The following SYT1 variants were observed in gnomAD, a reference collection of about 807,000 sequenced individuals.
SYT1 encodes the protein synaptotagmin-1.
In SYT1, 8 loss-of-function variants were observed where a neutral mutation model predicts 44.8. That is an observed-to-expected ratio of 0.18 (90% CI 0.10 to 0.32). The LOEUF (loss-of-function observed/expected upper bound fraction) is 0.32. SYT1 is among the 10% of genes least tolerant of loss of function. The pLI, the probability that SYT1 is intolerant of heterozygous loss-of-function variation, is 1.00. For synonymous variants in SYT1, 154 were observed against 188.8 expected (o/e 0.82, Z 1.51); for missense variants, 286 against 509.3 (o/e 0.56, Z 4.22).
intron 3 of SYT1, among the ~76,000 whole-genome samples, chr12:79,085,495 C>A (rs565238157): frequency 3.3e-5 from 5 of 151,848 alleles, no homozygotes; most frequent in Admixed American, 1.3e-4. Context: ...AGGGCAGACA[C>A]CTCCTCCAGT....
chr12:79,046,142 A>C (rs1052303903), intron 2 of SYT1, among the ~76,000 whole-genome samples: 1 of 152,228 alleles, frequency 6.6e-6, no homozygotes, highest in South Asian at 2.1e-4. Context: ...GAAACAGTTG[A>C]GTTTCAAGCA....
At chr12:79,301,239 AG>A (rs1461478943) in intron 8 of SYT1, among the ~76,000 whole-genome samples, 2 of 152,134 alleles carry the variant, frequency 1.3e-5, no homozygotes, top group Non-Finnish European at 2.9e-5. Context: ...CCACTTGTGC[AG>A]GGTGCATGGT....
intron 9 of SYT1, among the ~76,000 whole-genome samples, chr12:79,442,928 G>A (rs193003161): frequency 6.3e-4 from 96 of 152,092 alleles, no homozygotes; most frequent in African/African-American, 2.1e-3. Flanking sequence ...ATTGCTTTCT[G>A]ATATTTTTTC....
intron 2 of SYT1, among the ~76,000 whole-genome samples, chr12:79,012,543 A>G (rs1284313499): frequency 1.3e-5 from 2 of 152,184 alleles, no homozygotes; most frequent in East Asian, 3.9e-4. Flanking sequence ...TTCAATAAGT[A>G]AGGAGAGAAT....
At chr12:78,922,734 G>A (rs1413552130) in intron 1 of SYT1, among the ~76,000 whole-genome samples, 1 of 151,818 alleles carries the variant, frequency 6.6e-6, no homozygotes, top group Non-Finnish European at 1.5e-5. Flanking sequence ...TTATCTTTAA[G>A]GAAATTGTTA....
chr12:79,227,900 T>C lies in SYT1; in HGVS notation c.166+10215T>C, dbSNP rs147305961. On this transcript the variant is annotated intron_variant, in intron 4 of 10. Transcript: ENST00000261205. ...TAGAAAAACCCTCTATTCAGGTCAG[T>C]CACCCAAATTGAGAAAATTCCGGAA... Among the ~76,000 whole-genome samples, 349 of 152,284 alleles carry C rather than the reference T, an allele frequency of 2.3e-3. 1 individual carries two copies. Among genetic ancestry groups the C allele is most frequent in the African/African-American group, 8.1e-3 (338 of 41,564 alleles).
chr12:78,989,716 G>A (rs1259301283), intron 2 of SYT1, among the ~76,000 whole-genome samples: 1 of 152,120 alleles, frequency 6.6e-6, no homozygotes, highest in Non-Finnish European at 1.5e-5. Context: ...CTTTGCAAAA[G>A]GGAAGTGTAT....
At chr12:78,901,407 AAC>A (rs1367527484) in intron 1 of SYT1, among the ~76,000 whole-genome samples, 1 of 152,122 alleles carries the variant, frequency 6.6e-6, no homozygotes, top group Non-Finnish European at 1.5e-5. Flanking sequence ...ATGTCTGCCA[AAC>A]ACACACTGTA....
At chr12:79,215,918 CTTTTTTTTTTTTTTTTT>C in intron 3 of SYT1, among the ~76,000 whole-genome samples, 1 of 76,792 alleles carries the variant, frequency 1.3e-5, no homozygotes, top group Admixed American at 2.1e-4. Flanking sequence ...GCATTTCTTT[CTTTTTTTTTTTTTTTTT>C]TTTTTTTTTT....
chr12:79,200,519 A>G (rs181802660), intron 3 of SYT1, among the ~76,000 whole-genome samples: 185 of 152,236 alleles, frequency 1.2e-3, no homozygotes, highest in Non-Finnish European at 2.1e-3. Flanking sequence ...AAAGGGTATG[A>G]AAGAGTAAGA....
chr12:79,021,241 A>T (rs1476606597), intron 2 of SYT1, among the ~76,000 whole-genome samples: 1 of 151,958 alleles, frequency 6.6e-6, no homozygotes, highest in East Asian at 1.9e-4. Flanking sequence ...GCTAGGAGAC[A>T]ACTGAGTTAT....
At chr12:79,293,341 A>G (rs1385265273) in intron 6 of SYT1, among the ~76,000 whole-genome samples, 1 of 17,860 alleles carries the variant, frequency 5.6e-5, no homozygotes, top group Non-Finnish European at 9.4e-5. Context: ...AAAATAAAAT[A>G]AAATAAAATA....
rs535481648 is a variant in SYT1 at position 79,131,199 on chromosome 12, A to AG, written c.-18+83839dup. Among the ~76,000 whole-genome samples the AG allele has an allele frequency of 1.8e-3, 272 of 151,840 alleles. 3 individuals carry two copies. Among genetic ancestry groups the AG allele is most frequent in the African/African-American group, 6.3e-3 (262 of 41,400 alleles). On this transcript the variant is annotated intron_variant, in intron 3 of 10. Transcript: ENST00000261205. ...TGCAGAATGTGCAGGTTTGTTACAT[A>AG]GGTATACATGTGCCATGGTGGTTTG...
At chr12:79,232,932 G>A (rs1403698463) in intron 4 of SYT1, among the ~76,000 whole-genome samples, 1 of 152,158 alleles carries the variant, frequency 6.6e-6, no homozygotes, top group Non-Finnish European at 1.5e-5. Flanking sequence ...GAACCATTCT[G>A]CCATGCCCTC....
intron 8 of SYT1, among the ~76,000 whole-genome samples, chr12:79,300,000 G>A (rs1241633710): frequency 6.6e-6 from 1 of 152,096 alleles, no homozygotes; most frequent in African/African-American, 2.4e-5. Flanking sequence ...ATCACAGACA[G>A]TTCATTGTTT....
intron 4 of SYT1, among the ~76,000 whole-genome samples, chr12:79,277,785 A>C (rs1283053760): frequency 6.6e-6 from 1 of 152,072 alleles, no homozygotes; most frequent in Non-Finnish European, 1.5e-5. Flanking sequence ...TAACACATAA[A>C]GATTCTTACA....
chr12:79,386,836 T>G (rs1201427664), intron 9 of SYT1, among the ~76,000 whole-genome samples: 2 of 152,174 alleles, frequency 1.3e-5, no homozygotes, highest in Non-Finnish European at 2.9e-5. Flanking sequence ...CATTGCTACT[T>G]CAGTTTCCCT....
chr12:78,976,008 CA>C (rs542385483), intron 1 of SYT1, among the ~76,000 whole-genome samples: 25 of 152,272 alleles, frequency 1.6e-4, no homozygotes, highest in Admixed American at 1.5e-3. Flanking sequence ...ACATACACAG[CA>C]AACAAACAGT....
At chr12:79,060,799 A>C (rs557863633) in intron 3 of SYT1, among the ~76,000 whole-genome samples, 1 of 152,128 alleles carries the variant, frequency 6.6e-6, no homozygotes, top group Admixed American at 6.6e-5. Context: ...ATAGAAATGC[A>C]ATGAGTTCAT....
Sources: gnomAD v4.1 joint callset for allele counts (sites outside exome capture counted in the v4.1 genomes callset) on GRCh38, gnomAD v4.1.1 for gene constraint, MANE v1.5 for transcripts, NCBI Gene and HGNC (gene_info 2026-07-23, HGNC 2026-07-21) for gene names.